The following EPHA5 variants were observed in gnomAD, a reference collection of about 807,000 sequenced individuals.
EPHA5 encodes the protein ephrin type-A receptor 5.
Under a neutral mutation model 105.0 loss-of-function variants are expected in EPHA5, and 60 were observed. The ratio of observed to expected loss-of-function variants is 0.57; its 90% CI spans 0.46 to 0.71. The LOEUF is 0.71. EPHA5 is among the 30% of genes least tolerant of loss of function. The probability of loss-of-function intolerance (pLI) is 0.00; values close to 1 mark genes in which losing one functional copy is unlikely to be tolerated. For synonymous variants in EPHA5, 513 were observed against 449.1 expected (o/e 1.14, Z -1.80); for missense variants, 1,218 against 1,274.7 (o/e 0.96, Z 0.68).
At chr4:65,434,299 T>G (rs1725270616) in intron 5 of EPHA5, among the ~76,000 whole-genome samples, 1 of 149,664 alleles carries the variant, frequency 6.7e-6, no homozygotes, top group Admixed American at 6.6e-5. Context: ...GGAAATAGGT[T>G]GTGGACATTT....
chr4:65,328,416 T>C (rs1047043338), intron 16 of EPHA5, among the ~76,000 whole-genome samples: 1 of 151,246 alleles, frequency 6.6e-6, no homozygotes, highest in African/African-American at 2.4e-5. Flanking sequence ...ATAGTTGATG[T>C]TGGAACCAAC....
At chr4:65,667,317 A>G (rs1750048967) in intron 1 of EPHA5, among the ~76,000 whole-genome samples, 1 of 152,244 alleles carries the variant, frequency 6.6e-6, no homozygotes, top group Admixed American at 6.5e-5. Flanking sequence ...AGGTGGAAAG[A>G]TGGAAAACTG....
rs2149440300 is a variant in EPHA5, at chr4:65,602,065, A to G, written c.486T>C (p.Asn162=). The G allele has an allele frequency of 1.2e-6, 2 of 1,614,066 alleles. No homozygotes were observed. The highest frequency in any genetic ancestry group is 1.7e-6 in the Non-Finnish European group (2 of 1,180,000). Residue 162 remains asparagine (N), a synonymous_variant, in exon 3 of 17, where the codon AAT becomes AAC. Coordinates refer to ENST00000613740, the MANE Select transcript of EPHA5 (RefSeq NM_001281766.3). ...NMYYFESDDQ[N]GRNIKENQYI... ...ATTGGTTTTCCTTGATGTTTCTCCCATTCTGATCATCTGACTCAAAGTAAT... is the reference window on the plus strand; with the variant it reads ...ATTGGTTTTCCTTGATGTTTCTCCCGTTCTGATCATCTGACTCAAAGTAAT...
intron 8 of EPHA5, among the ~76,000 whole-genome samples, chr4:65,392,217 C>A (rs1179464035): frequency 1.3e-5 from 2 of 152,022 alleles, no homozygotes; most frequent in African/African-American, 4.8e-5. Flanking sequence ...AAGAAAAAAG[C>A]ATGTAATCAT....
chr4:65,418,574 G>A (rs974860253), intron 6 of EPHA5, among the ~76,000 whole-genome samples: 18 of 151,934 alleles, frequency 1.2e-4, no homozygotes, highest in Admixed American at 3.9e-4. Context: ...TTTATGTTTC[G>A]GAATTATCTG....
At chr4:65,634,652 G>T (rs984424418) in intron 2 of EPHA5, among the ~76,000 whole-genome samples, 2 of 151,684 alleles carry the variant, frequency 1.3e-5, no homozygotes, top group Non-Finnish European at 2.9e-5. Context: ...CATTATATTG[G>T]CATTTGCATT....
intron 3 of EPHA5, among the ~76,000 whole-genome samples, chr4:65,552,644 C>T (rs1738029161): frequency 6.6e-6 from 1 of 152,114 alleles, no homozygotes; most frequent in Middle Eastern, 3.2e-3. Context: ...CACTGTAAGA[C>T]ATAAATACTT....
chr4:65,512,787 C>T (rs1733747658), intron 3 of EPHA5, among the ~76,000 whole-genome samples: 2 of 151,980 alleles, frequency 1.3e-5, no homozygotes, highest in African/African-American at 4.8e-5. Flanking sequence ...ATACAAAGGC[C>T]GTTGTGTTTC....
chr4:65,668,074 A>G lies in EPHA5; in HGVS notation c.181+1488T>C, dbSNP rs191298831. On this transcript the variant is annotated intron_variant, in intron 1 of 16. Transcript: ENST00000613740. ...GCTTAAGCATGAGAGATAGCTATAT[A>G]TATGTATATAGATAAATGCAGATAA... Among the ~76,000 whole-genome samples, 4 of 152,346 alleles carry G rather than the reference A, an allele frequency of 2.6e-5. No homozygotes were observed. The East Asian group carries it at 5.8e-4, about 22-fold the overall frequency.
chr4:65,380,825 T>G (rs1194567607), intron 8 of EPHA5, among the ~76,000 whole-genome samples: 5 of 151,776 alleles, frequency 3.3e-5, no homozygotes, highest in Non-Finnish European at 7.4e-5. Context: ...ACCAATCCTT[T>G]AGAAAACAAA....
chr4:65,485,611 A>T (rs1189115642), intron 5 of EPHA5, among the ~76,000 whole-genome samples: 1 of 152,184 alleles, frequency 6.6e-6, no homozygotes. Flanking sequence ...ACATTTATAA[A>T]TCATTTAATC....
chr4:65,654,241 G>GAAAAA (rs35249905), intron 1 of EPHA5, among the ~76,000 whole-genome samples: 1 of 136,106 alleles, frequency 7.3e-6, no homozygotes, highest in African/African-American at 2.7e-5. Flanking sequence ...CTTCTTTCTT[G>GAAAAA]AAAAAAAAAA....
chr4:65,622,722 C>A (rs1309698110), intron 2 of EPHA5, among the ~76,000 whole-genome samples: 2 of 151,810 alleles, frequency 1.3e-5, no homozygotes, highest in Admixed American at 1.3e-4. Flanking sequence ...GTTTTTAAAT[C>A]AATGGTTGAT....
chr4:65,494,673 C>A (rs1298893644), intron 4 of EPHA5, among the ~76,000 whole-genome samples: 1 of 152,164 alleles, frequency 6.6e-6, no homozygotes, highest in African/African-American at 2.4e-5. Flanking sequence ...TACTATTCAT[C>A]TACTCTACTT....
intron 8 of EPHA5, among the ~76,000 whole-genome samples, chr4:65,399,407 T>C (rs1258676775): frequency 6.6e-6 from 1 of 152,184 alleles, no homozygotes; most frequent in Non-Finnish European, 1.5e-5. Context: ...TAACACAAGA[T>C]GAGTGCAGCC....
chr4:65,474,216 G>A (rs1418494149), intron 5 of EPHA5, among the ~76,000 whole-genome samples: 1 of 151,968 alleles, frequency 6.6e-6, no homozygotes, highest in African/African-American at 2.4e-5. Context: ...ATATACTGTA[G>A]ATGACAGAAA....
At chr4:65,512,234 C>T (rs1467302161) in intron 3 of EPHA5, among the ~76,000 whole-genome samples, 7 of 152,064 alleles carry the variant, frequency 4.6e-5, no homozygotes, top group South Asian at 4.2e-4. Flanking sequence ...CATCATTAAC[C>T]GTAGCTATTA....
At chr4:65,592,163 TA>T (rs1208377925) in intron 3 of EPHA5, among the ~76,000 whole-genome samples, 1 of 151,996 alleles carries the variant, frequency 6.6e-6, no homozygotes, top group African/African-American at 2.4e-5. Flanking sequence ...TATAAGCACG[TA>T]AAAAAAATCC....
chr4:65,443,917 G>GTGTGTA lies in EPHA5; in HGVS notation c.1403-23353_1403-23352insTACACA, dbSNP rs565344986. On this transcript the variant is annotated intron_variant, in intron 5 of 16. Transcript: ENST00000613740. Reference sequence around the variant, plus strand: ...GATGTTTGTGTGCCTGTGTGTGTGTGTGTGTGTGTGTGCGTGCACGTGTGC... The same window carrying GTGTGTA: ...GATGTTTGTGTGCCTGTGTGTGTGTGTGTGTATGTGTGTGTGTGCGTGCACGTGTGC... 7.8e-3 allele frequency among the ~76,000 whole-genome samples: 1,191 copies of GTGTGTA among 152,080 alleles called. 6 individuals carry two copies. The highest frequency in any genetic ancestry group is 0.014 in the Middle Eastern group (4 of 292).
Sources: allele counts gnomAD v4.1 joint callset (sites outside exome capture counted in the v4.1 genomes callset), GRCh38; gene constraint gnomAD v4.1.1; transcripts MANE v1.5; gene names NCBI Gene and HGNC (gene_info 2026-07-23, HGNC 2026-07-21).